IKBKB: variants seen among roughly 807,000 people sequenced by gnomAD.
IKBKB encodes inhibitor of nuclear factor kappa B kinase subunit beta, also known as inhibitor of nuclear factor kappa-B kinase subunit beta.
IKBKB carries 42 observed loss-of-function variants against 113.6 expected under a neutral mutation model. That is an observed-to-expected ratio of 0.37 (90% CI 0.29 to 0.48). The LOEUF is 0.48. IKBKB is among the 20% of genes least tolerant of loss of function. The pLI is 0.99. For missense variants in IKBKB, 673 were observed against 939.7 expected, an observed-to-expected ratio of 0.72 and a Z score of 3.71; for synonymous variants, 296 against 361.3, an observed-to-expected ratio of 0.82 and a Z score of 2.05.
chr8:42,305,112 C>G (rs1816239358), intron 5 of IKBKB, 75 bp from the exon 6 acceptor site: 3 of 976,378 alleles, frequency 3.1e-6, no homozygotes, highest in East Asian at 4.8e-5. Flanking sequence ...CGGCATTTAT[C>G]TTTTGCAGGA....
At chr8:42,315,316 T>C (rs1818460469) in intron 9 of IKBKB, among the ~76,000 whole-genome samples, 1 of 152,196 alleles carries the variant, frequency 6.6e-6, no homozygotes, top group African/African-American at 2.4e-5. Context: ...GATGGATTAG[T>C]GCTATATGGA....
chr8:42,283,153 G>C (rs1322011017), intron 2 of IKBKB, among the ~76,000 whole-genome samples: 1 of 152,194 alleles, frequency 6.6e-6, no homozygotes, highest in East Asian at 1.9e-4. Flanking sequence ...CTGTGTATCA[G>C]GTCCAGTGTT....
At position 42,327,814 on chromosome 8, in the gene IKBKB, T is replaced by TAGAGACAGGG. The variant is rs1563374128; in HGVS notation, c.2115-1310_2115-1309insAGAGACAGGG. 5.4e-3 allele frequency among the ~76,000 whole-genome samples: 94 copies of TAGAGACAGGG among 17,292 alleles called. 3 individuals are homozygous for TAGAGACAGGG. Among genetic ancestry groups the TAGAGACAGGG allele is most frequent in the Middle Eastern group, 0.026 (1 of 38 alleles). The allele number at this position is 17,292 out of a possible 152,430, so 11.3% of individuals were successfully genotyped here. A position where few individuals can be genotyped will look rare whatever the true frequency, so the allele number is the denominator to read the frequency against. The stretch of plus-strand genomic sequence containing the variant: ...GGCCTGGCTAATTTTGTATTTTTTT[T>TAGAGACAGGG]TTTTTTTGAGACGGAGTCTCGCTCT... On this transcript the variant is annotated intron_variant, in intron 20 of 21. Coordinates refer to ENST00000520810, the MANE Select transcript of IKBKB (RefSeq NM_001556.3).
intron 20 of IKBKB, 144 bp from the exon 21 acceptor site, chr8:42,328,980 G>T: frequency 1.7e-6 from 1 of 578,628 alleles, no homozygotes; most frequent in Non-Finnish European, 2.9e-6. Flanking sequence ...TCAGTGGGTT[G>T]GTGTTTTAAG....
Position 42,332,377 on chromosome 8 carries a change from C to G in IKBKB, c.*1398C>G, listed in dbSNP as rs977116744. The G allele has an allele frequency of 1.3e-5, 2 of 152,192 alleles. No individual in the cohort carries two copies. Among genetic ancestry groups the G allele is most frequent in the Non-Finnish European group, 2.9e-5 (2 of 68,028 alleles). 9.4% of individuals were successfully genotyped at this position (152,192 alleles called of 1,614,324 possible). On this transcript the variant is annotated 3_prime_UTR_variant, in exon 22 of 22. Coordinates refer to ENST00000520810, the MANE Select transcript of IKBKB (RefSeq NM_001556.3). The stretch of plus-strand genomic sequence containing the variant: ...TCATTTGGCTATAGAAACATTTTCT[C>G]CTGCTGATTGTGTGTGTGAAACATG...
intron 16 of IKBKB, chr8:42,321,587 T>TC (rs1409109730): frequency 1.7e-5 from 5 of 301,646 alleles, no homozygotes; most frequent in African/African-American, 4.3e-5. Context: ...AGTGGCACAA[T>TC]CATAGCTCAC....
intron 9 of IKBKB, among the ~76,000 whole-genome samples, chr8:42,315,236 C>T (rs1585752499): frequency 6.6e-6 from 1 of 152,160 alleles, no homozygotes; most frequent in East Asian, 1.9e-4. Context: ...AAGAAAGCTA[C>T]AAGGCAGTCA....
Position 42,317,784 on chromosome 8 carries a change from T to A in IKBKB, c.1240+13T>A. The A allele has an allele frequency of 6.4e-7, 1 of 1,568,222 alleles. No homozygotes were observed. The highest frequency in any genetic ancestry group is 8.8e-7 in the Non-Finnish European group (1 of 1,138,332). On this transcript the variant is annotated intron_variant, in intron 12 of 21. Transcript: ENST00000520810. The stretch of plus-strand genomic sequence containing the variant: ...GTCAGCTGTATCCGTAAGAATTTGT[T>A]ATGTTTTGTTTTTCTAAATAATCCG...
rs1235722566 is a variant in IKBKB, at chr8:42,301,026, AT to A, written c.389-4150del. ...GCGCCACCATGCCTGGCTAATTAAA[AT>A]TTTTTTTTTTGTAGAGACAGGGTCT... On this transcript the variant is annotated intron_variant, in intron 5 of 21. Coordinates refer to ENST00000520810, the MANE Select transcript of IKBKB (RefSeq NM_001556.3). Among the ~76,000 whole-genome samples the A allele has an allele frequency of 1.1e-4, 16 of 147,198 alleles. No individual in the cohort carries two copies. The East Asian group carries it at 1.2e-3, about 11-fold the overall frequency.
chr8:42,272,304 G>GCTTT, intron 2 of IKBKB, 99 bp downstream of exon 2: 1 of 1,544,138 alleles, frequency 6.5e-7, no homozygotes, highest in Non-Finnish European at 8.9e-7. Flanking sequence ...CTCACCTTTG[G>GCTTT]CTTTGGTCAT....
chr8:42,327,478 T>C (rs2130723445), intron 20 of IKBKB, among the ~76,000 whole-genome samples: 2 of 145,650 alleles, frequency 1.4e-5, no homozygotes, highest in African/African-American at 5.2e-5. Context: ...GGACTACAGG[T>C]GCATGCCACC....
intron 4 of IKBKB, among the ~76,000 whole-genome samples, chr8:42,292,844 C>T (rs4282553): frequency 0.21 from 32,308 of 152,124 alleles, 7,962 homozygotes; most frequent in African/African-American, 0.6. Context: ...GGTATCCGAC[C>T]GTGTAACCTC....
chr8:42,298,177 C>T, intron 5 of IKBKB: 4 of 985,408 alleles, frequency 4.1e-6, no homozygotes, highest in Non-Finnish European at 4.8e-6. Flanking sequence ...AAATTCTGGG[C>T]ACTCAAGATT....
chr8:42,300,448 G>A (rs1457401523), intron 5 of IKBKB, among the ~76,000 whole-genome samples: 1 of 152,144 alleles, frequency 6.6e-6, no homozygotes, highest in Non-Finnish European at 1.5e-5. Flanking sequence ...TGTTCTGAAG[G>A]GAACTTAGTC....
rs201622289 is a variant in IKBKB at position 42,331,091 on chromosome 8, C to A, written c.*112C>A. ...CTGGAGCAGGCCGCGTGACGTGGGG[C>A]TGCCTGGCCGCGGCTCTCACATGGT... On this transcript the variant is annotated 3_prime_UTR_variant, in exon 22 of 22. Coordinates refer to ENST00000520810, the MANE Select transcript of IKBKB (RefSeq NM_001556.3). 84 of 1,530,898 alleles carry A rather than the reference C, an allele frequency of 5.5e-5. No individual in the cohort carries two copies. The highest frequency in any genetic ancestry group is 7.2e-5 in the Non-Finnish European group (81 of 1,128,880). 94.8% of individuals were successfully genotyped at this position (1,530,898 alleles called of 1,614,324 possible). A position where few individuals can be genotyped will look rare whatever the true frequency, so the allele number is the denominator to read the frequency against.
At chr8:42,314,130 C>G (rs975370332) in intron 8 of IKBKB, 192 bp from the exon 9 acceptor site, 2 of 588,134 alleles carry the variant, frequency 3.4e-6, no homozygotes, top group Non-Finnish European at 6.1e-6. Flanking sequence ...TATTCAGTAC[C>G]GGAGCATGCT....
chr8:42,271,423 T>C lies in IKBKB; in HGVS notation c.-65T>C. 4 of 1,488,664 alleles carry C rather than the reference T, an allele frequency of 2.7e-6. No homozygotes were observed. Among genetic ancestry groups the C allele is most frequent in the East Asian group, 2.5e-5 (1 of 39,360 alleles). 92.2% of individuals were successfully genotyped at this position (1,488,664 alleles called of 1,614,324 possible). ...GGGTTTGGCCGCCCCAGCCCCGCCT[T>C]CCCCGCCCCGGGGAGCCCGCCCCCT... On this transcript the variant is annotated 5_prime_UTR_variant, in exon 1 of 22. Transcript: ENST00000520810.
In IKBKB at chr8:42,316,602, T is replaced by C; in HGVS notation, c.931-108T>C. On this transcript the variant is annotated intron_variant, in intron 10 of 21. Coordinates refer to ENST00000520810, the MANE Select transcript of IKBKB (RefSeq NM_001556.3). This position sits in a 1 kb window ranked among gnomAD's most constrained non-coding sequence, Gnocchi z 4.5. The stretch of plus-strand genomic sequence containing the variant: ...TCCCTCCCTCAAGCTAGGCCCTTGC[T>C]TTGTGTGGTTGGGAAATGTTGGGAG... 1 of 1,115,650 alleles carries C rather than the reference T, an allele frequency of 9.0e-7. No homozygotes were observed. The highest frequency in any genetic ancestry group is 1.6e-5 in the South Asian group (1 of 62,930). 69.1% of individuals were successfully genotyped at this position (1,115,650 alleles called of 1,614,324 possible). A position where few individuals can be genotyped will look rare whatever the true frequency, so the allele number is the denominator to read the frequency against.
intron 8 of IKBKB, chr8:42,309,383 A>G: frequency 2.7e-6 from 1 of 367,580 alleles, no homozygotes; most frequent in Non-Finnish European, 5.3e-6. Context: ...TGTACACATG[A>G]CAAGTCAGGA....
Sources: gnomAD v4.1 joint callset for allele counts (sites outside exome capture counted in the v4.1 genomes callset) on GRCh38, gnomAD v4.1.1 for gene constraint, Gnocchi (gnomAD v3.1) non-coding constraint, MANE v1.5 for transcripts, NCBI Gene and HGNC (gene_info 2026-07-23, HGNC 2026-07-21) for gene names.